Variants in TBPL2 observed in about 807,000 individuals in gnomAD.
TBPL2 encodes TATA-box binding protein like 2.
In TBPL2, 40 loss-of-function variants were observed where a neutral mutation model predicts 38.2. That is an observed-to-expected ratio of 1.05 (90% CI 0.81 to 1.36). The LOEUF is 1.36. Among genes scored for constraint, TBPL2 ranks in the 40% most tolerant of loss-of-function variants. TBPL2 has a pLI of 0.00. For synonymous variants in TBPL2, 169 were observed against 171.7 expected, an observed-to-expected ratio of 0.98 and a Z score of 0.12; for missense variants, 461 against 456.7, an observed-to-expected ratio of 1.01 and a Z score of -0.09.
intron 3 of TBPL2, among the ~76,000 whole-genome samples, chr14:55,435,174 G>A (rs1010740258): frequency 1.3e-5 from 2 of 152,092 alleles, no homozygotes; most frequent in African/African-American, 4.8e-5. Flanking sequence ...AATTGTAATG[G>A]AAAGATACAT....
rs114727309 is a variant in TBPL2 at position 55,429,545 on chromosome 14, C to T, written c.789-571G>A. Among the ~76,000 whole-genome samples, 1,346 of 152,266 alleles carry T rather than the reference C, an allele frequency of 8.8e-3. 25 individuals carry two copies. The highest frequency in any genetic ancestry group is 0.031 in the African/African-American group (1,293 of 41,540). ...TTGGGAGGCTGAGGCAGGCAGCTCACCTGAGGACAGTAGCTCGAGACCGGC... is the reference window on the plus strand; with the variant it reads ...TTGGGAGGCTGAGGCAGGCAGCTCATCTGAGGACAGTAGCTCGAGACCGGC... On this transcript the variant is annotated intron_variant, in intron 4 of 6. Transcript: ENST00000247219.
intron 4 of TBPL2, 64 bp from the exon 5 acceptor site, chr14:55,429,038 G>A: frequency 6.4e-7 from 1 of 1,566,400 alleles, no homozygotes; most frequent in South Asian, 1.1e-5. Context: ...TACTGGTGTT[G>A]TATTGGATTG....
At chr14:55,432,985 A>G (rs1885956028) in intron 4 of TBPL2, among the ~76,000 whole-genome samples, 1 of 152,234 alleles carries the variant, frequency 6.6e-6, no homozygotes, top group Non-Finnish European at 1.5e-5. Context: ...AGGAAAATCC[A>G]CAATAACTAC....
At position 55,435,698 on chromosome 14, in the gene TBPL2, A is replaced by C. The variant is rs533202067; in HGVS notation, c.696+149T>G. ...AGAATGAGATTATTTTTTATAACTCAAAACAGATATTAACCCTGAGTTGCC... is the reference window on the plus strand; with the variant it reads ...AGAATGAGATTATTTTTTATAACTCCAAACAGATATTAACCCTGAGTTGCC... On this transcript the variant is annotated intron_variant, in intron 3 of 6. Transcript: ENST00000247219. The C allele has an allele frequency of 6.3e-4, 357 of 564,316 alleles. 6 individuals are homozygous for C. The South Asian group carries it at 8.7e-3, about 14-fold the overall frequency. 35.0% of individuals were successfully genotyped at this position (564,316 alleles called of 1,614,324 possible).
At chr14:55,433,332 T>A (rs1477411970) in intron 4 of TBPL2, among the ~76,000 whole-genome samples, 13 of 115,720 alleles carry the variant, frequency 1.1e-4, no homozygotes, top group African/African-American at 2.0e-4. Context: ...TTTTTTTTTT[T>A]AACAGAGATG....
At chr14:55,432,724 T>C (rs1031100053) in intron 4 of TBPL2, among the ~76,000 whole-genome samples, 2 of 152,200 alleles carry the variant, frequency 1.3e-5, no homozygotes, top group Non-Finnish European at 2.9e-5. Context: ...TTAGTACATT[T>C]ATAGAGCGAG....
At chr14:55,419,838 G>C (rs1437435249) in intron 6 of TBPL2, among the ~76,000 whole-genome samples, 1 of 152,192 alleles carries the variant, frequency 6.6e-6, no homozygotes, top group Non-Finnish European at 1.5e-5. Flanking sequence ...ATTTTCTACA[G>C]TCAGACTCAA....
At chr14:55,415,600 C>A (rs960596992) in intron 6 of TBPL2, among the ~76,000 whole-genome samples, 1 of 152,156 alleles carries the variant, frequency 6.6e-6, no homozygotes, top group Non-Finnish European at 1.5e-5. Flanking sequence ...CGTGGTGGCT[C>A]ACACCTGTAA....
At chr14:55,435,013 A>G (rs959185924) in intron 3 of TBPL2, among the ~76,000 whole-genome samples, 2 of 152,218 alleles carry the variant, frequency 1.3e-5, no homozygotes, top group South Asian at 2.1e-4. Context: ...CAAGCCATTG[A>G]AAACAGGATG....
At chr14:55,425,725 ACCCAC>A (rs1233494045) in intron 5 of TBPL2, among the ~76,000 whole-genome samples, 1 of 152,104 alleles carries the variant, frequency 6.6e-6, no homozygotes, top group Non-Finnish European at 1.5e-5. Context: ...CTTGATCTCT[ACCCAC>A]CCCCAATTAC....
chr14:55,429,032 G>A, intron 4 of TBPL2, 58 bp from the exon 5 acceptor site: 4 of 1,582,034 alleles, frequency 2.5e-6, no homozygotes, highest in Non-Finnish European at 3.5e-6. Flanking sequence ...CTCAACTACT[G>A]GTGTTGTATT....
chr14:55,414,274 C>G, exon 7 of TBPL2: 1 of 861,098 alleles, frequency 1.2e-6, no homozygotes. Context: ...TAATAAGTAA[C>G]GTACTTGTAA....
intron 4 of TBPL2, among the ~76,000 whole-genome samples, chr14:55,430,398 TAAAAAAAAAAAA>T (rs370880582): frequency 2.5e-5 from 3 of 119,828 alleles, no homozygotes; most frequent in African/African-American, 6.3e-5. Flanking sequence ...TCACCCACTT[TAAAAAAAAAAAA>T]AAAAAAAAAA....
intron 4 of TBPL2, among the ~76,000 whole-genome samples, chr14:55,429,766 CAAAAAA>C (rs71131266): frequency 5.7e-5 from 3 of 52,380 alleles, no homozygotes; most frequent in South Asian, 7.9e-4. Context: ...AACTCCGTCT[CAAAAAA>C]AAAAAAAAAA....
intron 3 of TBPL2, among the ~76,000 whole-genome samples, chr14:55,435,434 T>C (rs974777808): frequency 1.2e-4 from 18 of 151,876 alleles, no homozygotes; most frequent in African/African-American, 4.4e-4. Context: ...CGCCACAACA[T>C]CCAGCTAATT....
In TBPL2 at chr14:55,440,095, G is replaced by A. The variant is rs553991939; in HGVS notation, c.150+301C>T. On this transcript the variant is annotated intron_variant, in intron 1 of 6. Coordinates refer to ENST00000247219, the Ensembl canonical transcript of TBPL2. Reference sequence around the variant, plus strand: ...AGCCTGGGCGAGACTCCATCTCAGAGAAAAATCAATCAATCAATCAATCAA... The same window carrying A: ...AGCCTGGGCGAGACTCCATCTCAGAAAAAAATCAATCAATCAATCAATCAA... Among the ~76,000 whole-genome samples, 5 of 150,018 alleles carry A rather than the reference G, an allele frequency of 3.3e-5. No homozygotes were observed. In the South Asian group the frequency reaches 1.0e-3, roughly 31 times the overall value.
chr14:55,421,974 A>T (rs914581689), intron 6 of TBPL2, among the ~76,000 whole-genome samples: 1 of 152,222 alleles, frequency 6.6e-6, no homozygotes, highest in African/African-American at 2.4e-5. Context: ...AGGAATATAC[A>T]TTTAAGAGAG....
exon 5 of TBPL2, chr14:55,428,959 T>C (rs1251496403): frequency 1.9e-6 from 3 of 1,614,102 alleles, no homozygotes; most frequent in Admixed American, 3.3e-5. Flanking sequence ...TTGCTGCAAG[T>C]CGAGACTGCT....
chr14:55,436,651 G>C, exon 2 of TBPL2: 1 of 1,614,208 alleles, frequency 6.2e-7, no homozygotes, highest in Non-Finnish European at 8.5e-7. Flanking sequence ...GTCGGAGTTT[G>C]GTTTCTCAGG....
Sources: gnomAD v4.1 joint callset for allele counts (sites outside exome capture counted in the v4.1 genomes callset) on GRCh38, gnomAD v4.1.1 for gene constraint, MANE v1.5 for transcripts, NCBI Gene and HGNC (gene_info 2026-07-23, HGNC 2026-07-21) for gene names.